The following COMMD10 variants were observed in gnomAD, a reference collection of about 807,000 sequenced individuals.
COMMD10 encodes COMM domain-containing protein 10.
Under a neutral mutation model 28.9 loss-of-function variants are expected in COMMD10, and 33 were observed. The ratio of observed to expected loss-of-function variants is 1.14; its 90% CI spans 0.87 to 1.53. The LOEUF (loss-of-function observed/expected upper bound fraction) is 1.53, where lower values mean the gene tolerates loss of function less well. Ranked by LOEUF, COMMD10 falls within the 40% of genes most tolerant of loss-of-function variation. COMMD10 has a pLI of 0.00. For synonymous variants in COMMD10, 110 were observed against 81.7 expected (o/e 1.35, Z -1.87); for missense variants, 310 against 233.4 (o/e 1.33, Z -2.14).
chr5:116,191,095 C>G (rs1002857963), intron 5 of COMMD10, among the ~76,000 whole-genome samples: 1 of 152,072 alleles, frequency 6.6e-6, no homozygotes, highest in Admixed American at 6.5e-5. Context: ...TAGACTCATG[C>G]TATTTCCAGA....
chr5:116,090,697 A>C (rs559001741), intron 2 of COMMD10, among the ~76,000 whole-genome samples: 1 of 152,312 alleles, frequency 6.6e-6, no homozygotes, highest in East Asian at 1.9e-4. Flanking sequence ...TGATCATGAA[A>C]TGAAATGGGA....
intron 5 of COMMD10, among the ~76,000 whole-genome samples, chr5:116,248,058 A>C (rs575680904): frequency 1.3e-5 from 2 of 152,038 alleles, no homozygotes; most frequent in Admixed American, 1.3e-4. Flanking sequence ...TCAAGACCTA[A>C]GCAAACAAAA....
chr5:116,277,263 T>C (rs1409937804), intron 5 of COMMD10, among the ~76,000 whole-genome samples: 2 of 151,898 alleles, frequency 1.3e-5, no homozygotes, highest in African/African-American at 2.4e-5. Flanking sequence ...TATAGAAATA[T>C]ATCAACTCAT....
At position 116,288,872 on chromosome 5, in the gene COMMD10, CTTT is replaced by C. The variant is rs1157658912; in HGVS notation, c.511-2620_511-2618del. Among the ~76,000 whole-genome samples the C allele has an allele frequency of 5.0e-3, 522 of 104,312 alleles. 4 individuals are homozygous for C. Among genetic ancestry groups the C allele is most frequent in the African/African-American group, 8.7e-3 (237 of 27,096 alleles). 68.4% of individuals were successfully genotyped at this position (104,312 alleles called of 152,430 possible). ...GTTTTCAATTGTTGGTGTTCTCTCT[CTTT>C]TTTTTTTTTTTTTTTTTTTTTTTTG... is the stretch of plus-strand genomic sequence containing the variant. On this transcript the variant is annotated intron_variant, in intron 5 of 6. Coordinates refer to ENST00000274458, the MANE Select transcript of COMMD10 (RefSeq NM_016144.4).
At chr5:116,190,622 A>C (rs997026615) in intron 5 of COMMD10, among the ~76,000 whole-genome samples, 4 of 152,202 alleles carry the variant, frequency 2.6e-5, no homozygotes, top group African/African-American at 9.6e-5. Flanking sequence ...ATAAATGCTA[A>C]ATCATCTTGA....
chr5:116,199,020 T>A (rs1430037490), intron 5 of COMMD10, among the ~76,000 whole-genome samples: 1 of 152,186 alleles, frequency 6.6e-6, no homozygotes, highest in Non-Finnish European at 1.5e-5. Flanking sequence ...TTTAGTTTTG[T>A]GAGAAATTGC....
At position 116,257,044 on chromosome 5, in the gene COMMD10, T is replaced by A. The variant is rs553154240; in HGVS notation, c.511-34473T>A. Among the ~76,000 whole-genome samples, 35 of 151,906 alleles carry A rather than the reference T, an allele frequency of 2.3e-4. 1 individual carries two copies. Among genetic ancestry groups the A allele is most frequent in the Non-Finnish European group, 3.5e-4 (24 of 67,982 alleles). ...TACTTTACCTACAGTGCTGTTTTTG[T>A]TAAAAGGTTACTCTACTCTGTATTT... On this transcript the variant is annotated intron_variant, in intron 5 of 6. Coordinates refer to ENST00000274458, the MANE Select transcript of COMMD10 (RefSeq NM_016144.4).
At chr5:116,250,937 G>C (rs1344487907) in intron 5 of COMMD10, among the ~76,000 whole-genome samples, 1 of 151,932 alleles carries the variant, frequency 6.6e-6, no homozygotes, top group Non-Finnish European at 1.5e-5. Context: ...TGTGCCTCTT[G>C]GCATGCCACT....
Position 116,085,063 on chromosome 5 carries a change from C to T in COMMD10, c.11C>T (p.Pro4Leu). 1 of 1,609,620 alleles carries T rather than the reference C, an allele frequency of 6.2e-7. No individual in the cohort carries two copies. Among genetic ancestry groups the T allele is most frequent in the Non-Finnish European group, 8.5e-7 (1 of 1,178,964 alleles). The change falls in exon 1 of 7, where the codon CCC (proline) becomes CTC (leucine). Residue 4 changes from proline to leucine, a missense_variant. Pro to Leu is a moderately conservative substitution (Grantham distance 98). Coordinates refer to ENST00000274458, the MANE Select transcript of COMMD10 (RefSeq NM_016144.4). The part of the protein sequence containing the change: MAV[P>L]AALILRESPS... ...GCGAGAAAGCCGAAGATGGCGGTCCCCGCGGCGCTGATCCTACGGGAGAGC... is the reference window on the plus strand; with the variant it reads ...GCGAGAAAGCCGAAGATGGCGGTCCTCGCGGCGCTGATCCTACGGGAGAGC...
At chr5:116,180,771 A>G (rs1468601632) in intron 5 of COMMD10, among the ~76,000 whole-genome samples, 2 of 152,174 alleles carry the variant, frequency 1.3e-5, no homozygotes, top group Non-Finnish European at 2.9e-5. Context: ...GGGATCGCAT[A>G]TATTGTAGTA....
chr5:116,263,418 C>A (rs888523170), intron 5 of COMMD10, among the ~76,000 whole-genome samples: 1 of 151,778 alleles, frequency 6.6e-6, no homozygotes, highest in African/African-American at 2.4e-5. Flanking sequence ...TATTTCCTTG[C>A]CATACCTTGA....
intron 4 of COMMD10, among the ~76,000 whole-genome samples, chr5:116,096,868 G>C (rs1192655062): frequency 6.6e-6 from 1 of 151,206 alleles, no homozygotes; most frequent in Admixed American, 6.6e-5. Context: ...CTTTCCATTT[G>C]TTTCCCTGCA....
intron 4 of COMMD10, among the ~76,000 whole-genome samples, chr5:116,113,330 C>G (rs558325370): frequency 1.5e-5 from 2 of 134,750 alleles, no homozygotes; most frequent in Admixed American, 7.7e-5. Flanking sequence ...CATGGAGCCT[C>G]CTGTATCTAT....
chr5:116,265,640 A>G (rs753590089), intron 5 of COMMD10, among the ~76,000 whole-genome samples: 1 of 151,872 alleles, frequency 6.6e-6, no homozygotes, highest in South Asian at 2.1e-4. Context: ...GGCTACGTAC[A>G]TGTGGAACAT....
intron 5 of COMMD10, among the ~76,000 whole-genome samples, chr5:116,147,830 A>G (rs564994172): frequency 3.3e-5 from 5 of 152,080 alleles, no homozygotes; most frequent in African/African-American, 9.6e-5. Flanking sequence ...CTAGAATCCT[A>G]CCTAGAGGTA....
chr5:116,231,288 G>C (rs1218051943), intron 5 of COMMD10, among the ~76,000 whole-genome samples: 1 of 152,132 alleles, frequency 6.6e-6, no homozygotes, highest in African/African-American at 2.4e-5. Flanking sequence ...TGATGTAGCA[G>C]TTTTTAATAA....
chr5:116,279,943 G>A (rs1030909069), intron 5 of COMMD10, among the ~76,000 whole-genome samples: 2 of 151,882 alleles, frequency 1.3e-5, no homozygotes, highest in African/African-American at 4.9e-5. Flanking sequence ...CTGAATGGAA[G>A]TAATTGTGCA....
chr5:116,189,590 A>T (rs1419501704), intron 5 of COMMD10, among the ~76,000 whole-genome samples: 4 of 152,168 alleles, frequency 2.6e-5, no homozygotes, highest in African/African-American at 4.8e-5. Context: ...CAAGAACTGG[A>T]CTAGTACAAT....
At chr5:116,234,518 A>C (rs988250244) in intron 5 of COMMD10, among the ~76,000 whole-genome samples, 5 of 152,200 alleles carry the variant, frequency 3.3e-5, no homozygotes, top group African/African-American at 9.7e-5. Flanking sequence ...TAAAATTATT[A>C]CTTTAATACA....
Sources: gnomAD v4.1 joint callset for allele counts (sites outside exome capture counted in the v4.1 genomes callset) on GRCh38, gnomAD v4.1.1 for gene constraint, MANE v1.5 for transcripts, NCBI Gene and HGNC (gene_info 2026-07-23, HGNC 2026-07-21) for gene names.